The following ZNF583 variants were observed in gnomAD, a reference collection of about 807,000 sequenced individuals.
ZNF583 encodes the protein zinc finger protein 583.
Under a neutral mutation model 55.3 loss-of-function variants are expected in ZNF583, and 30 were observed. The ratio of observed to expected loss-of-function variants is 0.54; its 90% CI spans 0.41 to 0.74. ZNF583 has a LOEUF of 0.74. Ranked by LOEUF, ZNF583 falls within the 30% of genes least tolerant of loss-of-function variation. The pLI is 0.00. For missense variants in ZNF583, 504 were observed against 664.7 expected (o/e 0.76, Z 2.66); for synonymous variants, 208 against 220.0 (o/e 0.95, Z 0.48).
At chr19:56,417,699 T>A (rs990520106) in intron 4 of ZNF583, among the ~76,000 whole-genome samples, 1 of 152,216 alleles carries the variant, frequency 6.6e-6, no homozygotes, top group African/African-American at 2.4e-5. Context: ...TCTTGGTTGG[T>A]GCTTCTTATA....
chr19:56,413,144 A>C (rs1472716399), intron 2 of ZNF583, among the ~76,000 whole-genome samples: 3 of 152,244 alleles, frequency 2.0e-5, no homozygotes, highest in Non-Finnish European at 2.9e-5. Flanking sequence ...CAAATGTTTA[A>C]AATTCAACAC....
Position 56,423,826 on chromosome 19 carries a change from A to G in ZNF583, c.1168A>G (p.Ser390Gly). 1 of 1,614,044 alleles carries G rather than the reference A, an allele frequency of 6.2e-7. No individual in the cohort carries two copies. The highest frequency in any genetic ancestry group is 8.5e-7 in the Non-Finnish European group (1 of 1,179,936). Residue 390 changes from serine (S) to glycine (G), a missense_variant, in exon 5 of 5, where the codon AGC becomes GGC. Ser to Gly is a moderately conservative substitution (Grantham distance 56, BLOSUM62 0). Transcript: ENST00000333201. Reference protein sequence around the residue: ...YECKECRKAFSQYAHLAQHQR... With the variant: ...YECKECRKAFGQYAHLAQHQR... ...ATGTAAGGAATGTAGGAAAGCCTTC[A>G]GCCAGTATGCACACCTTGCTCAACA...
chr19:56,422,520 A>G (rs2042431741), intron 4 of ZNF583, among the ~76,000 whole-genome samples: 1 of 152,172 alleles, frequency 6.6e-6, no homozygotes, highest in Admixed American at 6.5e-5. Flanking sequence ...CTGGGATTCC[A>G]ATGGAGTTTT....
At chr19:56,416,339 AAAAG>A (rs2042322187) in intron 4 of ZNF583, among the ~76,000 whole-genome samples, 1 of 151,836 alleles carries the variant, frequency 6.6e-6, no homozygotes, top group African/African-American at 2.4e-5. Flanking sequence ...AAAAAAAAAA[AAAAG>A]AATACATTTA....
intron 4 of ZNF583, 21 bp from the exon 5 acceptor site, chr19:56,422,870 T>G: frequency 6.5e-7 from 1 of 1,532,970 alleles, no homozygotes; most frequent in East Asian, 2.3e-5. Flanking sequence ...CAAAAGTCAT[T>G]TGTTTCTTGA....
intron 2 of ZNF583, among the ~76,000 whole-genome samples, chr19:56,411,463 T>A (rs998142670): frequency 2.0e-5 from 3 of 152,230 alleles, no homozygotes; most frequent in Non-Finnish European, 4.4e-5. Context: ...AAATGTCAGA[T>A]AGTTAAAACA....
intron 2 of ZNF583, among the ~76,000 whole-genome samples, chr19:56,410,827 T>A (rs1347556315): frequency 6.6e-6 from 1 of 152,130 alleles, no homozygotes; most frequent in African/African-American, 2.4e-5. Flanking sequence ...AAAGTGACAT[T>A]ATCAGTAAGT....
chr19:56,411,882 A>G (rs2042244113), intron 2 of ZNF583, among the ~76,000 whole-genome samples: 1 of 152,208 alleles, frequency 6.6e-6, no homozygotes, highest in Non-Finnish European at 1.5e-5. Flanking sequence ...AGCAATTAAC[A>G]TTGACTCATT....
chr19:56,425,640 T>TAAG lies in ZNF583; in HGVS notation c.*1273_*1275dup, dbSNP rs1047285115. 3.8e-4 allele frequency: 58 copies of TAAG among 152,310 alleles called. No individual in the cohort carries two copies. Among genetic ancestry groups the TAAG allele is most frequent in the African/African-American group, 1.4e-3 (58 of 41,572 alleles). The allele number at this position is 152,310 out of a possible 1,614,324, so 9.4% of individuals were successfully genotyped here. On this transcript the variant is annotated 3_prime_UTR_variant, in exon 5 of 5. Coordinates refer to ENST00000333201, the MANE Select transcript of ZNF583 (RefSeq NM_152478.3). The stretch of plus-strand genomic sequence containing the variant: ...CCAATGATGAGTAGAAAATAAAGTA[T>TAAG]AAGTTTGAACCCCTGTTCTAAATCT...
At position 56,414,093 on chromosome 19, in the gene ZNF583, C is replaced by A. The variant is rs2042279847; in HGVS notation, c.136+8C>A. 6.3e-7 allele frequency: 1 copy of A among 1,576,938 alleles called. No individual in the cohort carries two copies. On this transcript the variant is annotated splice_region_variant and intron_variant, in intron 3 of 4. Coordinates refer to ENST00000333201, the MANE Select transcript of ZNF583 (RefSeq NM_152478.3). Reference sequence around the variant, plus strand: ...GGAGCTTGGTATCATTGGGTAAGGACATGTCCCCTTAATTCAGAATCTGTA... The same window carrying A: ...GGAGCTTGGTATCATTGGGTAAGGAAATGTCCCCTTAATTCAGAATCTGTA...
chr19:56,424,205 G>T lies in ZNF583; in HGVS notation c.1547G>T (p.Gly516Val), dbSNP rs1433366228. 6.2e-7 allele frequency: 1 copy of T among 1,613,808 alleles called. No homozygotes were observed. Among genetic ancestry groups the T allele is most frequent in the Non-Finnish European group, 8.5e-7 (1 of 1,179,994 alleles). ...SLTLHQRIHT[G>V]ERPYECKDCR... ...ACTCTACATCAGAGAATTCATACTGGAGAAAGACCCTATGAATGTAAAGAT... is the reference window on the plus strand; with the variant it reads ...ACTCTACATCAGAGAATTCATACTGTAGAAAGACCCTATGAATGTAAAGAT... Residue 516 changes from glycine (G) to valine (V), a missense_variant, in exon 5 of 5, where the codon GGA (glycine) becomes GTA (valine). Physicochemically the swap from Gly to Val is moderately radical, Grantham distance 109. This residue lies in a region of ZNF583 where 237 missense variants were observed against 373.0 expected (regional missense o/e 0.64). Coordinates refer to ENST00000333201, the MANE Select transcript of ZNF583 (RefSeq NM_152478.3).
intron 1 of ZNF583, among the ~76,000 whole-genome samples, chr19:56,406,737 C>T (rs950242712): frequency 2.6e-5 from 4 of 152,050 alleles, no homozygotes; most frequent in East Asian, 1.9e-4. Flanking sequence ...CCGTGTTAGC[C>T]AGGATGGTCT....
chr19:56,414,278 T>A (rs971630609), intron 3 of ZNF583, 67 bp from the exon 4 acceptor site: 7 of 1,562,932 alleles, frequency 4.5e-6, no homozygotes, highest in Non-Finnish European at 3.5e-6. Context: ...TCCCACCTTC[T>A]TGATGATGCA....
At position 56,427,301 on chromosome 19, in the gene ZNF583, AAAATCTAAATGTAAATT is replaced by A. The variant is rs955844991; in HGVS notation, c.*2935_*2951del. Reference sequence around the variant, plus strand: ...AACAAGTATAAGTTCTAACTGAATAAAAATCTAAATGTAAATTACTAAAGCAAAAGTATTAGAAAAAA... The same window carrying A: ...AACAAGTATAAGTTCTAACTGAATAAACTAAAGCAAAAGTATTAGAAAAAA... On this transcript the variant is annotated 3_prime_UTR_variant, in exon 5 of 5. Transcript: ENST00000333201. 15 of 152,356 alleles carry A rather than the reference AAAATCTAAATGTAAATT, an allele frequency of 9.8e-5. No homozygotes were observed. Among genetic ancestry groups the A allele is most frequent in the African/African-American group, 3.4e-4 (14 of 41,588 alleles). 9.4% of individuals were successfully genotyped at this position (152,356 alleles called of 1,614,324 possible).
rs1050112670 is a variant in ZNF583 at position 56,426,353 on chromosome 19, T to C, written c.*1985T>C. ...GTGATTAGAGGAGTCTGTGACACAC[T>C]CTAATCATGGAATGAGACTGGCCTT... is the stretch of plus-strand genomic sequence containing the variant. On this transcript the variant is annotated 3_prime_UTR_variant, in exon 5 of 5. Transcript: ENST00000333201. 1 of 152,136 alleles carries C rather than the reference T, an allele frequency of 6.6e-6. No homozygotes were observed. Among genetic ancestry groups the C allele is most frequent in the Non-Finnish European group, 1.5e-5 (1 of 68,032 alleles). The allele number at this position is 152,136 out of a possible 1,614,324, so 9.4% of individuals were successfully genotyped here. A position where few individuals can be genotyped will look rare whatever the true frequency, so the allele number is the denominator to read the frequency against.
rs768472381 is a variant in ZNF583, at chr19:56,404,799, G to A, written c.-90+347G>A. On this transcript the variant is annotated intron_variant, in intron 1 of 4. Coordinates refer to ENST00000333201, the MANE Select transcript of ZNF583 (RefSeq NM_152478.3). The surrounding 1 kb of genome is among the most constrained non-coding windows in gnomAD (Gnocchi z 5.2). ...GGAGCCTTTGACAGTATATGGGACC[G>A]TGTGGGACTGTGTGACACTGTATGT... Among the ~76,000 whole-genome samples the A allele has an allele frequency of 2.6e-5, 4 of 152,180 alleles. No homozygotes were observed. Among genetic ancestry groups the A allele is most frequent in the Non-Finnish European group, 5.9e-5 (4 of 68,038 alleles).
intron 2 of ZNF583, among the ~76,000 whole-genome samples, chr19:56,410,632 G>T (rs2042223652): frequency 2.6e-5 from 4 of 152,154 alleles, no homozygotes; most frequent in Admixed American, 2.6e-4. Flanking sequence ...AACATGGGAG[G>T]TGGAGGTTGC....
chr19:56,410,628 G>A (rs1345221221), intron 2 of ZNF583, among the ~76,000 whole-genome samples: 1 of 152,170 alleles, frequency 6.6e-6, no homozygotes, highest in Non-Finnish European at 1.5e-5. Flanking sequence ...CTTGAACATG[G>A]GAGGTGGAGG....
chr19:56,406,985 A>AG, intron 1 of ZNF583, 41 bp from the exon 2 acceptor site: 1 of 949,784 alleles, frequency 1.1e-6, no homozygotes, highest in Non-Finnish European at 1.6e-6. Flanking sequence ...TGAGAGCTGC[A>AG]GGGCAGGCCT....
Sources: gnomAD v4.1 joint callset for allele counts (sites outside exome capture counted in the v4.1 genomes callset) on GRCh38, gnomAD v4.1.1 for gene constraint, gnomAD v4.1.1 regional missense constraint, Gnocchi (gnomAD v3.1) non-coding constraint, MANE v1.5 for transcripts, NCBI Gene and HGNC (gene_info 2026-07-23, HGNC 2026-07-21) for gene names.